PDZRN4: variants seen among roughly 807,000 people sequenced by gnomAD.
PDZRN4 encodes the protein PDZ domain containing ring finger 4.
A neutral mutation model predicts 99.0 loss-of-function variants in PDZRN4; 70 were observed. That is an observed-to-expected ratio of 0.71 (90% CI 0.58 to 0.86). The LOEUF (loss-of-function observed/expected upper bound fraction) is 0.86, where lower values mean the gene tolerates loss of function less well. Ranked by LOEUF, PDZRN4 falls within the 40% of genes least tolerant of loss-of-function variation. PDZRN4 has a pLI of 0.00. For synonymous variants in PDZRN4, 551 were observed against 501.6 expected (o/e 1.10, Z -1.32); for missense variants, 1,474 against 1,331.2 (o/e 1.11, Z -1.67).
chr12:41,209,110 A>G (rs1323633485), intron 3 of PDZRN4, among the ~76,000 whole-genome samples: 1 of 151,900 alleles, frequency 6.6e-6, no homozygotes, highest in African/African-American at 2.4e-5. Flanking sequence ...ATAATTTTTT[A>G]ATTTTTATTT....
intron 3 of PDZRN4, among the ~76,000 whole-genome samples, chr12:41,212,767 A>G (rs754223720): frequency 1.3e-5 from 2 of 152,042 alleles, no homozygotes; most frequent in Non-Finnish European, 2.9e-5. Context: ...TGAGAGATCA[A>G]GGATTTTTTC....
At chr12:41,568,954 A>G (rs1235544585) in intron 9 of PDZRN4, among the ~76,000 whole-genome samples, 7 of 146,078 alleles carry the variant, frequency 4.8e-5, no homozygotes, top group East Asian at 2.1e-4. Context: ...ACAGATGCCC[A>G]CCACCATGCC....
chr12:41,568,765 A>G (rs1769374290), intron 9 of PDZRN4, among the ~76,000 whole-genome samples: 1 of 151,600 alleles, frequency 6.6e-6, no homozygotes, highest in South Asian at 2.1e-4. Context: ...CAGTTTACTG[A>G]TTTGTTTAAT....
rs147991661 is a variant in PDZRN4 at position 41,313,499 on chromosome 12, C to A, written c.843+119311C>A. Among the ~76,000 whole-genome samples the A allele has an allele frequency of 3.6e-3, 543 of 152,290 alleles. 4 individuals are homozygous for A. Among genetic ancestry groups the A allele is most frequent in the African/African-American group, 0.012 (513 of 41,558 alleles). On this transcript the variant is annotated intron_variant, in intron 3 of 9. Transcript: ENST00000402685. ...CCACGTGGGTCATTCTGCTGTACCTCTGCTCATTTGTCCTGGTGCCGAGAA... is the reference window on the plus strand; with the variant it reads ...CCACGTGGGTCATTCTGCTGTACCTATGCTCATTTGTCCTGGTGCCGAGAA...
chr12:41,505,469 T>C (rs759289822), intron 3 of PDZRN4, among the ~76,000 whole-genome samples: 7 of 152,158 alleles, frequency 4.6e-5, no homozygotes, highest in East Asian at 1.9e-4. Context: ...GGGGAATAAA[T>C]TGACAAATAT....
At chr12:41,239,613 T>A (rs1196082692) in intron 3 of PDZRN4, among the ~76,000 whole-genome samples, 2 of 152,174 alleles carry the variant, frequency 1.3e-5, no homozygotes, top group Non-Finnish European at 2.9e-5. Flanking sequence ...TACTACCAGG[T>A]AAAAGGTGCC....
chr12:41,425,143 A>G (rs1331195582), intron 3 of PDZRN4, among the ~76,000 whole-genome samples: 1 of 152,184 alleles, frequency 6.6e-6, no homozygotes, highest in African/African-American at 2.4e-5. Context: ...TTTTAAATAA[A>G]TTATTATACC....
chr12:41,510,638 T>C (rs1198068636), intron 5 of PDZRN4, among the ~76,000 whole-genome samples: 1 of 152,122 alleles, frequency 6.6e-6, no homozygotes, highest in Non-Finnish European at 1.5e-5. Flanking sequence ...GAAGCTTTGG[T>C]AAACAGGCAG....
At chr12:41,427,655 A>C (rs1470238872) in intron 3 of PDZRN4, among the ~76,000 whole-genome samples, 1 of 152,218 alleles carries the variant, frequency 6.6e-6, no homozygotes, top group Non-Finnish European at 1.5e-5. Context: ...GGATATTAAC[A>C]TGTCGATTTT....
At chr12:41,355,325 C>A (rs1331888508) in intron 3 of PDZRN4, among the ~76,000 whole-genome samples, 1 of 151,990 alleles carries the variant, frequency 6.6e-6, no homozygotes, top group Non-Finnish European at 1.5e-5. Context: ...CATTGAGAAC[C>A]TGTTGTCTTT....
At chr12:41,441,453 C>T (rs573637298) in intron 3 of PDZRN4, among the ~76,000 whole-genome samples, 2 of 152,128 alleles carry the variant, frequency 1.3e-5, no homozygotes, top group African/African-American at 2.4e-5. Flanking sequence ...TAAACTGAAA[C>T]AGAACCTGCA....
intron 3 of PDZRN4, among the ~76,000 whole-genome samples, chr12:41,333,668 T>C (rs1169565301): frequency 6.6e-6 from 1 of 152,130 alleles, no homozygotes; most frequent in Non-Finnish European, 1.5e-5. Context: ...AAAAACACAT[T>C]CTGGAATATC....
intron 3 of PDZRN4, among the ~76,000 whole-genome samples, chr12:41,211,561 G>C (rs953794979): frequency 6.6e-6 from 1 of 151,888 alleles, no homozygotes; most frequent in Non-Finnish European, 1.5e-5. Flanking sequence ...CACTTAAACA[G>C]AGAGATATGA....
rs1376537142 is a variant in PDZRN4, at chr12:41,246,441, T to TA, written c.843+52258dup. ...GGATAGGTATGGATGGATATTAATC[T>TA]AAAAATATTCTTCTTGTTATTGGGT... On this transcript the variant is annotated intron_variant, in intron 3 of 9. Transcript: ENST00000402685. Among the ~76,000 whole-genome samples the TA allele has an allele frequency of 2.0e-5, 3 of 152,334 alleles. No homozygotes were observed. In the East Asian group the frequency reaches 5.8e-4, roughly 29 times the overall value.
At chr12:41,373,321 A>G (rs1952056745) in intron 3 of PDZRN4, among the ~76,000 whole-genome samples, 2 of 152,038 alleles carry the variant, frequency 1.3e-5, no homozygotes, top group Admixed American at 1.3e-4. Context: ...AATTATTGGG[A>G]ATTTCCTCAT....
chr12:41,409,376 C>G lies in PDZRN4; in HGVS notation c.844-97080C>G, dbSNP rs189141464. On this transcript the variant is annotated intron_variant, in intron 3 of 9. Coordinates refer to ENST00000402685, the MANE Select transcript of PDZRN4 (RefSeq NM_001164595.2). ...AAAAAGAAAACAAGGTATCTATCCT[C>G]AAGTTCTTCCCAGTCCTTTGGGGAA... 5 of 152,264 alleles carry G rather than the reference C, an allele frequency of 3.3e-5. No individual in the cohort carries two copies. The East Asian group carries it at 9.7e-4, about 29-fold the overall frequency. The allele number at this position is 152,264 out of a possible 1,614,324, so 9.4% of individuals were successfully genotyped here. A position where few individuals can be genotyped will look rare whatever the true frequency, so the allele number is the denominator to read the frequency against.
At chr12:41,392,644 G>A (rs1177756052) in intron 3 of PDZRN4, among the ~76,000 whole-genome samples, 1 of 152,098 alleles carries the variant, frequency 6.6e-6, no homozygotes, top group Admixed American at 6.6e-5. Context: ...AATAAAGTGA[G>A]CTATCACCTA....
At chr12:41,534,480 G>T (rs564784710) in intron 5 of PDZRN4, among the ~76,000 whole-genome samples, 22 of 151,770 alleles carry the variant, frequency 1.4e-4, no homozygotes, top group Admixed American at 2.6e-4. Context: ...AGTGTGTGTT[G>T]TTCCCCTCCC....
intron 3 of PDZRN4, among the ~76,000 whole-genome samples, chr12:41,240,561 T>A (rs764551289): frequency 3.9e-5 from 6 of 152,192 alleles, no homozygotes; most frequent in African/African-American, 1.4e-4. Context: ...TGCCAATGAC[T>A]CAAATAGTCT....
Sources: allele counts gnomAD v4.1 joint callset (sites outside exome capture counted in the v4.1 genomes callset), GRCh38; gene constraint gnomAD v4.1.1; transcripts MANE v1.5; gene names NCBI Gene and HGNC (gene_info 2026-07-23, HGNC 2026-07-21).